The following NBAS variants were observed in gnomAD, a reference collection of about 807,000 sequenced individuals.
The protein encoded by NBAS is NAG/BC035112 fusion.
NBAS carries 219 observed loss-of-function variants against 302.5 expected under a neutral mutation model. The ratio of observed to expected loss-of-function variants is 0.72; its 90% CI spans 0.65 to 0.81. The LOEUF (loss-of-function observed/expected upper bound fraction) is 0.81, where lower values mean the gene tolerates loss of function less well. Ranked by LOEUF, NBAS falls within the 30% of genes least tolerant of loss-of-function variation. The probability of loss-of-function intolerance (pLI) is 0.00; values close to 1 mark genes in which losing one functional copy is unlikely to be tolerated. For synonymous variants in NBAS, 1,118 were observed against 1,021.6 expected (o/e 1.09, Z -1.80); for missense variants, 2,932 against 2,841.6 (o/e 1.03, Z -0.72).
chr2:15,212,328 G>A (rs1030526797), intron 48 of NBAS, among the ~76,000 whole-genome samples: 13 of 152,112 alleles, frequency 8.5e-5, no homozygotes, highest in Non-Finnish European at 1.3e-4. Flanking sequence ...ACACCCTTCC[G>A]TGTTGCCTGA....
chr2:15,427,654 C>T (rs1369110475), intron 22 of NBAS, 57 bp downstream of exon 22: 1 of 1,383,492 alleles, frequency 7.2e-7, no homozygotes, highest in Non-Finnish European at 1.0e-6. Flanking sequence ...TTCACAGGGC[C>T]ATCAGTTCAC....
the NBAS span, among the ~76,000 whole-genome samples, chr2:14,891,548 C>G: frequency 6.6e-6 from 1 of 152,078 alleles, no homozygotes; most frequent in African/African-American, 2.4e-5. Flanking sequence ...AGACACCTTA[C>G]CTACATAATT....
At chr2:15,412,117 G>A (rs1431627481) in intron 25 of NBAS, among the ~76,000 whole-genome samples, 1 of 152,068 alleles carries the variant, frequency 6.6e-6, no homozygotes, top group Non-Finnish European at 1.5e-5. Flanking sequence ...ACTAGTATAA[G>A]TCTAAAGATC....
chr2:14,854,234 A>G, the NBAS span, among the ~76,000 whole-genome samples: 47 of 151,994 alleles, frequency 3.1e-4, no homozygotes, highest in African/African-American at 1.1e-3. Context: ...AGAGAAGGAA[A>G]ACTTCAAATA....
the NBAS span, among the ~76,000 whole-genome samples, chr2:15,055,500 T>A: frequency 6.6e-6 from 1 of 151,416 alleles, no homozygotes; most frequent in East Asian, 1.9e-4. Context: ...CTTCTCCAGC[T>A]GGGGGGCGGG....
At chr2:14,996,441 G>A in the NBAS span, among the ~76,000 whole-genome samples, 1 of 152,154 alleles carries the variant, frequency 6.6e-6, no homozygotes, top group Non-Finnish European at 1.5e-5. Context: ...TAGTCTCCAC[G>A]GCAGACGGCG....
rs1165218446 is a variant in NBAS at position 15,326,887 on chromosome 2, T to C, written c.4582+863A>G. On this transcript the variant is annotated intron_variant, in intron 38 of 51. Transcript: ENST00000281513. ...CCAGCAGCATGTGAGTACTGATTGA[T>C]AGAAAAAAACATCTAAAATAAGCTA... Among the ~76,000 whole-genome samples the C allele has an allele frequency of 6.6e-5, 10 of 152,050 alleles. No individual in the cohort carries two copies. In the East Asian group the frequency reaches 1.2e-3, roughly 18 times the overall value.
chr2:14,948,894 A>G, the NBAS span, among the ~76,000 whole-genome samples: 1 of 152,164 alleles, frequency 6.6e-6, no homozygotes, highest in East Asian at 1.9e-4. Context: ...GCATAAAAAC[A>G]GATACATAGA....
At chr2:14,785,590 G>C in the NBAS span, among the ~76,000 whole-genome samples, 2 of 152,188 alleles carry the variant, frequency 1.3e-5, no homozygotes, top group Non-Finnish European at 2.9e-5. Context: ...TGTGGTTTTT[G>C]TCTTTGGTTC....
At chr2:15,198,816 A>G (rs1312908324) in intron 48 of NBAS, among the ~76,000 whole-genome samples, 1 of 152,190 alleles carries the variant, frequency 6.6e-6, no homozygotes, top group Non-Finnish European at 1.5e-5. Flanking sequence ...TACTATAGCT[A>G]ATATTGCTCA....
intron 44 of NBAS, among the ~76,000 whole-genome samples, chr2:15,270,258 T>C (rs1049399199): frequency 1.3e-5 from 2 of 152,118 alleles, no homozygotes; most frequent in Non-Finnish European, 2.9e-5. Flanking sequence ...TCCGACTCCC[T>C]GGTTCAAGTG....
Position 15,474,196 on chromosome 2 carries a change from T to A in NBAS, c.1470A>T (p.Lys490Asn). Residue 490 changes from lysine (K) to asparagine (N), a missense_variant, in exon 15 of 52, where the codon AAA (lysine) becomes AAT (asparagine). Lys to Asn is a moderately conservative substitution (Grantham distance 94). Transcript: ENST00000281513. ...SAKARYFGYI[K>N]QGLYLVTEME... is the part of the protein sequence containing the mutation. ...TTTCAGTCACCAAGTAAAGGCCCTGTTTTATATAACCAAAGTAGCGAGCCT... is the reference window on the plus strand; with the variant it reads ...TTTCAGTCACCAAGTAAAGGCCCTGATTTATATAACCAAAGTAGCGAGCCT... The A allele has an allele frequency of 6.2e-7, 1 of 1,614,132 alleles. No homozygotes were observed. Among genetic ancestry groups the A allele is most frequent in the Non-Finnish European group, 8.5e-7 (1 of 1,180,018 alleles).
chr2:15,370,830 C>T (rs759548983), intron 31 of NBAS, among the ~76,000 whole-genome samples: 13 of 152,182 alleles, frequency 8.5e-5, no homozygotes, highest in Non-Finnish European at 1.6e-4. Context: ...TTACAGGCTC[C>T]TAGGTGGAAG....
At chr2:15,053,097 A>C in the NBAS span, among the ~76,000 whole-genome samples, 1 of 152,238 alleles carries the variant, frequency 6.6e-6, no homozygotes, top group African/African-American at 2.4e-5. Context: ...CATTTTTGCT[A>C]TAAAATGTCA....
At chr2:14,895,739 CA>C in the NBAS span, among the ~76,000 whole-genome samples, 1,536 of 95,304 alleles carry the variant, frequency 0.016, 45 homozygotes, top group African/African-American at 0.049. Context: ...GACTCCGTCT[CA>C]AAAAAAAAAA....
At chr2:15,539,435 G>T (rs970708515) in intron 6 of NBAS, 79 bp from the exon 7 acceptor site, 1 of 1,516,238 alleles carries the variant, frequency 6.6e-7, no homozygotes, top group African/African-American at 1.4e-5. Flanking sequence ...TGCAACTAAA[G>T]TAAGTATTCA....
chr2:14,790,502 G>A, the NBAS span, among the ~76,000 whole-genome samples: 1 of 152,146 alleles, frequency 6.6e-6, no homozygotes, highest in African/African-American at 2.4e-5. Flanking sequence ...AAAAGTCCAA[G>A]TAGGGGAGGC....
the NBAS span, among the ~76,000 whole-genome samples, chr2:14,843,912 T>C: frequency 1.1e-4 from 17 of 152,130 alleles, no homozygotes; most frequent in African/African-American, 3.9e-4. Context: ...ATCTCAGCGG[T>C]CGGAACTTCA....
chr2:15,392,033 T>A (rs375030181), intron 28 of NBAS, among the ~76,000 whole-genome samples: 2 of 136,686 alleles, frequency 1.5e-5, no homozygotes, highest in Non-Finnish European at 1.6e-5. Context: ...AAAAAAAAAA[T>A]TAAAAGAAGC....
Sources: allele counts gnomAD v4.1 joint callset (sites outside exome capture counted in the v4.1 genomes callset), GRCh38; gene constraint gnomAD v4.1.1; transcripts MANE v1.5; gene names NCBI Gene and HGNC (gene_info 2026-07-23, HGNC 2026-07-21).